SLC25A24: variants seen among roughly 807,000 people sequenced by gnomAD.
SLC25A24 encodes the protein solute carrier family 25 member 24.
A neutral mutation model predicts 60.7 loss-of-function variants in SLC25A24; 49 were observed. That is an observed-to-expected ratio of 0.81 (90% CI 0.64 to 1.02). SLC25A24 has a LOEUF of 1.02. Ranked by LOEUF, SLC25A24 falls within the 50% of genes least tolerant of loss-of-function variation. The pLI, the probability that SLC25A24 is intolerant of heterozygous loss-of-function variation, is 0.00. For missense variants in SLC25A24, 564 were observed against 586.3 expected (o/e 0.96, Z 0.39); for synonymous variants, 202 against 200.6 (o/e 1.01, Z -0.06).
chr1:108,168,523 C>T lies in SLC25A24; in HGVS notation c.399-7230G>A, dbSNP rs115368174. The stretch of plus-strand genomic sequence containing the variant: ...AACTCTGTAGCTTAAAACCACAGAA[C>T]ATTTAGGGTATTGACAAACTTCCTA... On this transcript the variant is annotated intron_variant, in intron 3 of 9. Coordinates refer to ENST00000565488, the MANE Select transcript of SLC25A24 (RefSeq NM_013386.5). 3.6e-3 allele frequency among the ~76,000 whole-genome samples: 555 copies of T among 152,230 alleles called. 2 individuals are homozygous for T. Among genetic ancestry groups the T allele is most frequent in the African/African-American group, 0.013 (525 of 41,538 alleles).
At chr1:108,162,701 G>T (rs1680123490) in intron 3 of SLC25A24, among the ~76,000 whole-genome samples, 1 of 151,954 alleles carries the variant, frequency 6.6e-6, no homozygotes, top group Non-Finnish European at 1.5e-5. Flanking sequence ...TTAGCCCTTT[G>T]TCAGATGAGT....
In SLC25A24 at chr1:108,185,897, T is replaced by C. The variant is rs1010534908; in HGVS notation, c.241A>G (p.Met81Val). Residue 81 changes from methionine to valine, a missense_variant, in exon 2 of 10, where the codon ATG (methionine) becomes GTG (valine). Coordinates refer to ENST00000565488, the MANE Select transcript of SLC25A24 (RefSeq NM_013386.5). ...TTCTCATGGTCTTTAAGGTACTTCA[T>C]AAATTCTTCAAAATCCAGCTTCCCA... ...KDGKLDFEEF[M>V]KYLKDHEKKM... 17 of 1,597,236 alleles carry C rather than the reference T, an allele frequency of 1.1e-5. No homozygotes were observed. Among genetic ancestry groups the C allele is most frequent in the Non-Finnish European group, 1.4e-5 (16 of 1,168,046 alleles).
intron 6 of SLC25A24, among the ~76,000 whole-genome samples, chr1:108,150,557 T>G (rs1679729203): frequency 6.6e-6 from 1 of 152,200 alleles, no homozygotes. Context: ...TCCCTCATTC[T>G]CAGATCACAT....
rs748915701 is a variant in SLC25A24, at chr1:108,139,207, A to G, written c.1100T>C (p.Leu367Pro). 4.4e-6 allele frequency: 7 copies of G among 1,583,884 alleles called. No individual in the cohort carries two copies. Among genetic ancestry groups the G allele is most frequent in the Middle Eastern group, 3.4e-4 (2 of 5,872 alleles). Residue 367 changes from leucine to proline, a missense_variant and splice_region_variant, in exon 9 of 10, where the codon CTC becomes CCC. By Grantham distance (98) the Leu-to-Pro change is moderately conservative. Transcript: ENST00000565488. ...YAGIDLAVYE[L>P]LKSYWLDNFA... is the part of the protein sequence containing the mutation. ...ATTATCCAGCCAATAGGACTTCAAG[A>G]GCTGCCAGAGAAATAAAGAAGAAAA...
chr1:108,141,243 A>G (rs1679435792), intron 8 of SLC25A24, among the ~76,000 whole-genome samples: 1 of 152,178 alleles, frequency 6.6e-6, no homozygotes. Flanking sequence ...GGAAGAAATT[A>G]TAACTTCATA....
intron 3 of SLC25A24, among the ~76,000 whole-genome samples, chr1:108,164,141 C>T (rs1244044052): frequency 2.6e-5 from 4 of 151,866 alleles, no homozygotes; most frequent in African/African-American, 9.7e-5. Context: ...AGGGATGAAG[C>T]CCACTTGATC....
intron 1 of SLC25A24, among the ~76,000 whole-genome samples, chr1:108,194,975 A>G (rs1191121727): frequency 6.6e-6 from 1 of 152,180 alleles, no homozygotes; most frequent in Non-Finnish European, 1.5e-5. Flanking sequence ...ATCCACTAAA[A>G]CAGTTAATGT....
chr1:108,146,532 G>A (rs1044469333), intron 7 of SLC25A24, among the ~76,000 whole-genome samples: 8 of 152,190 alleles, frequency 5.3e-5, no homozygotes, highest in African/African-American at 1.9e-4. Context: ...TGCCCATTCA[G>A]TATGATATTG....
intron 4 of SLC25A24, among the ~76,000 whole-genome samples, chr1:108,160,411 C>T (rs1450405523): frequency 2.0e-5 from 3 of 150,426 alleles, no homozygotes; most frequent in African/African-American, 2.4e-5. Flanking sequence ...CGGGCAGAGA[C>T]GCTCACTTCC....
chr1:108,158,558 T>C (rs1353147597), intron 4 of SLC25A24, among the ~76,000 whole-genome samples: 1 of 152,196 alleles, frequency 6.6e-6, no homozygotes, highest in East Asian at 1.9e-4. Flanking sequence ...CTTATACTCA[T>C]AGCTGAGAAG....
Position 108,159,960 on chromosome 1 carries a change from C to T in SLC25A24, c.510+1222G>A, listed in dbSNP as rs560142324. Among the ~76,000 whole-genome samples the T allele has an allele frequency of 2.8e-3, 419 of 152,180 alleles. 3 individuals carry two copies. The highest frequency in any genetic ancestry group is 3.5e-3 in the Non-Finnish European group (237 of 67,988). The stretch of plus-strand genomic sequence containing the variant: ...CAAAACCGCCATTGTCATCATGGCC[C>T]GTTCTCAATGAGCTGTTGGGTACAC... On this transcript the variant is annotated intron_variant, in intron 4 of 9. Coordinates refer to ENST00000565488, the MANE Select transcript of SLC25A24 (RefSeq NM_013386.5).
chr1:108,187,088 A>AT (rs976387960), intron 1 of SLC25A24, among the ~76,000 whole-genome samples: 3 of 151,592 alleles, frequency 2.0e-5, no homozygotes, highest in African/African-American at 7.3e-5. Flanking sequence ...AAAAAAAAAA[A>AT]AAAATTAAAA....
chr1:108,195,216 G>A (rs1648459232), intron 1 of SLC25A24, among the ~76,000 whole-genome samples: 1 of 152,142 alleles, frequency 6.6e-6, no homozygotes, highest in Admixed American at 6.5e-5. Flanking sequence ...AAAGAAAGTG[G>A]GCTAGGAAGA....
At chr1:108,199,826 A>T in intron 1 of SLC25A24, 130 bp downstream of exon 1, 2 of 713,854 alleles carry the variant, frequency 2.8e-6, no homozygotes, top group Non-Finnish European at 4.5e-6. Flanking sequence ...AAGCCACCGG[A>T]GCGCTGGGCG....
chr1:108,192,582 A>T, intron 1 of SLC25A24: 3 of 1,498,960 alleles, frequency 2.0e-6, no homozygotes, highest in Non-Finnish European at 2.7e-6. Context: ...TCCTTGTTAT[A>T]GTCCAGGTAC....
intron 1 of SLC25A24, among the ~76,000 whole-genome samples, chr1:108,187,182 G>C (rs1285193101): frequency 6.6e-6 from 1 of 152,032 alleles, no homozygotes; most frequent in Non-Finnish European, 1.5e-5. Context: ...TCTGAAACTT[G>C]TGAGCTGCAA....
intron 1 of SLC25A24, among the ~76,000 whole-genome samples, chr1:108,188,885 T>C (rs534019924): frequency 6.6e-6 from 1 of 152,244 alleles, no homozygotes; most frequent in East Asian, 1.9e-4. Context: ...CGGGGGGAGT[T>C]AGTATAAAAT....
intron 3 of SLC25A24, among the ~76,000 whole-genome samples, chr1:108,164,062 G>C (rs969318306): frequency 5.9e-5 from 9 of 152,054 alleles, no homozygotes; most frequent in African/African-American, 2.2e-4. Flanking sequence ...TGTGGTTTTT[G>C]TCTTTGGTTC....
chr1:108,142,712 T>G (rs1679474592), intron 8 of SLC25A24, among the ~76,000 whole-genome samples: 1 of 152,174 alleles, frequency 6.6e-6, no homozygotes, highest in East Asian at 1.9e-4. Flanking sequence ...CACAATATTG[T>G]GAATGTAATT....
Sources: allele counts gnomAD v4.1 joint callset (sites outside exome capture counted in the v4.1 genomes callset), GRCh38; gene constraint gnomAD v4.1.1; transcripts MANE v1.5; gene names NCBI Gene and HGNC (gene_info 2026-07-23, HGNC 2026-07-21).